NUCKS1: variants seen among roughly 807,000 people sequenced by gnomAD.
The protein encoded by NUCKS1 is nuclear casein kinase and cyclin dependent kinase substrate 1, also known as nuclear ubiquitous casein and cyclin-dependent kinase substrate 1.
Under a neutral mutation model 33.0 loss-of-function variants are expected in NUCKS1, and 2 were observed. That is an observed-to-expected ratio of 0.06 (90% CI 0.02 to 0.19). The LOEUF (loss-of-function observed/expected upper bound fraction) is 0.19, where lower values mean the gene tolerates loss of function less well. Among genes scored for constraint, NUCKS1 ranks in the 10% least tolerant of loss-of-function variants. The probability of loss-of-function intolerance (pLI) is 1.00; values close to 1 mark genes in which losing one functional copy is unlikely to be tolerated. For missense variants in NUCKS1, 201 were observed against 293.6 expected (o/e 0.68, Z 2.31); for synonymous variants, 106 against 102.8 (o/e 1.03, Z -0.19).
At chr1:205,724,037 G>T in intron 3 of NUCKS1, 56 bp from the exon 4 acceptor site, 9 of 1,207,634 alleles carry the variant, frequency 7.5e-6, no homozygotes, top group African/African-American at 1.5e-5. Context: ...AAATCTAAGT[G>T]AACATAGATC....
rs1208521809 is a variant in NUCKS1, at chr1:205,714,104, G to C, written c.*4176C>G. ...GTAACAAATACTTCTGGAGGAAAAA[G>C]AGAAAAGAATTCACTAAGTTCCAGA... On this transcript the variant is annotated 3_prime_UTR_variant, in exon 7 of 7. Coordinates refer to ENST00000367142, the MANE Select transcript of NUCKS1 (RefSeq NM_022731.5). The C allele has an allele frequency of 6.6e-6, 1 of 152,112 alleles. No individual in the cohort carries two copies. Among genetic ancestry groups the C allele is most frequent in the Non-Finnish European group, 1.5e-5 (1 of 68,004 alleles). The allele number at this position is 152,112 out of a possible 1,614,324, so 9.4% of individuals were successfully genotyped here.
At chr1:205,725,869 T>C (rs1198197926) in intron 3 of NUCKS1, among the ~76,000 whole-genome samples, 1 of 152,124 alleles carries the variant, frequency 6.6e-6, no homozygotes, top group Admixed American at 6.6e-5. Flanking sequence ...AATAAGATAA[T>C]GAATATAATG....
In NUCKS1 at chr1:205,715,014, T is replaced by A. The variant is rs1341395556; in HGVS notation, c.*3266A>T. On this transcript the variant is annotated 3_prime_UTR_variant, in exon 7 of 7. Transcript: ENST00000367142. ...TCTCAAAGCATCTCGTAAACTGAAGTTTAAAGAAAAGCACGATTCCCATCC... is the reference window on the plus strand; with the variant it reads ...TCTCAAAGCATCTCGTAAACTGAAGATTAAAGAAAAGCACGATTCCCATCC... The A allele has an allele frequency of 6.6e-6, 1 of 152,050 alleles. No individual in the cohort carries two copies. The highest frequency in any genetic ancestry group is 2.4e-5 in the African/African-American group (1 of 41,374). 9.4% of individuals were successfully genotyped at this position (152,050 alleles called of 1,614,324 possible).
intron 3 of NUCKS1, among the ~76,000 whole-genome samples, chr1:205,726,513 G>C (rs1193737636): frequency 6.6e-6 from 1 of 152,158 alleles, no homozygotes; most frequent in Non-Finnish European, 1.5e-5. Flanking sequence ...AAAACTACTA[G>C]GTAAATACAT....
In NUCKS1 at chr1:205,750,032, G is replaced by GCCCCCCCCCCCCCCC; in HGVS notation, c.-60_-59insGGGGGGGGGGGGGGG. On this transcript the variant is annotated 5_prime_UTR_variant, in exon 1 of 7. Transcript: ENST00000367142. ...CAAAGACCAGGACCCCCCCCACCCC[G>GCCCCCCCCCCCCCCC]CGCGCTCGGCGCCCCACCCCCCCCG... The GCCCCCCCCCCCCCCC allele has an allele frequency of 8.3e-7, 1 of 1,211,344 alleles. No individual in the cohort carries two copies. The highest frequency in any genetic ancestry group is 1.0e-6 in the Non-Finnish European group (1 of 956,054). 75.0% of individuals were successfully genotyped at this position (1,211,344 alleles called of 1,614,324 possible). A position where few individuals can be genotyped will look rare whatever the true frequency, so the allele number is the denominator to read the frequency against.
At chr1:205,746,638 TG>T (rs1419249185) in intron 1 of NUCKS1, among the ~76,000 whole-genome samples, 1 of 152,164 alleles carries the variant, frequency 6.6e-6, no homozygotes. Context: ...CCAATTGTTT[TG>T]GGGGAGAGAA....
chr1:205,727,741 A>G lies in NUCKS1; in HGVS notation c.132T>C (p.Ala44=), dbSNP rs773547652. ...TKKIRSSPRE[A]KNKRRSGKNS... is the part of the protein sequence containing the mutation. ...TCTTTCCAGATCGCCTCTTATTTTT[A>G]GCTTCTCGGGGAGATGATCGAATTT... The change falls in exon 3 of 7, where the codon GCT becomes GCC. Residue 44 remains alanine, a synonymous_variant. Coordinates refer to ENST00000367142, the MANE Select transcript of NUCKS1 (RefSeq NM_022731.5). 38 of 1,613,664 alleles carry G rather than the reference A, an allele frequency of 2.4e-5. No homozygotes were observed. The highest frequency in any genetic ancestry group is 3.2e-5 in the Non-Finnish European group (38 of 1,179,790).
chr1:205,741,065 G>A (rs1466714830), intron 1 of NUCKS1, among the ~76,000 whole-genome samples: 3 of 151,472 alleles, frequency 2.0e-5, no homozygotes, highest in Non-Finnish European at 2.9e-5. Context: ...TCAGGAGGCC[G>A]AGGCGGGCGG....
intron 1 of NUCKS1, among the ~76,000 whole-genome samples, chr1:205,730,409 C>A (rs956099040): frequency 6.6e-6 from 1 of 152,114 alleles, no homozygotes; most frequent in African/African-American, 2.4e-5. Context: ...TATAAGAAAG[C>A]ATAGCATAAA....
Position 205,720,673 on chromosome 1 carries a change from A to G in NUCKS1, c.230-20T>C, listed in dbSNP as rs1349309505. The G allele has an allele frequency of 6.3e-7, 1 of 1,581,972 alleles. No homozygotes were observed. Among genetic ancestry groups the G allele is most frequent in the East Asian group, 2.2e-5 (1 of 44,654 alleles). ...TATCCTCTGCAATATCAGAATTACC[A>G]TGATATAATGATTAAAGAATTTTAT... is the stretch of plus-strand genomic sequence containing the variant. On this transcript the variant is annotated intron_variant, in intron 4 of 6. Transcript: ENST00000367142.
At position 205,715,351 on chromosome 1, in the gene NUCKS1, C is replaced by T. The variant is rs1049851465; in HGVS notation, c.*2929G>A. ...GAAGATGTCCACACTCTTTGCATTA[C>T]CTCCCTAAAGGAGGAAACACCCATT... On this transcript the variant is annotated 3_prime_UTR_variant, in exon 7 of 7. Coordinates refer to ENST00000367142, the MANE Select transcript of NUCKS1 (RefSeq NM_022731.5). 2.6e-5 allele frequency: 4 copies of T among 152,196 alleles called. No homozygotes were observed. Among genetic ancestry groups the T allele is most frequent in the Non-Finnish European group, 5.9e-5 (4 of 68,036 alleles). 9.4% of individuals were successfully genotyped at this position (152,196 alleles called of 1,614,324 possible).
intron 1 of NUCKS1, among the ~76,000 whole-genome samples, chr1:205,746,441 T>TCACACA (rs1403649920): frequency 2.0e-4 from 8 of 40,710 alleles, no homozygotes; most frequent in Admixed American, 6.3e-4. Flanking sequence ...CTCACTTCTC[T>TCACACA]CTCTCTCTCT....
At chr1:205,730,642 C>G (rs955991401) in intron 1 of NUCKS1, among the ~76,000 whole-genome samples, 1 of 151,860 alleles carries the variant, frequency 6.6e-6, no homozygotes, top group African/African-American at 2.4e-5. Flanking sequence ...GCGTGTGCCA[C>G]CACGCCTGGC....
At chr1:205,740,767 GGT>G (rs1654148214) in intron 1 of NUCKS1, among the ~76,000 whole-genome samples, 1 of 151,058 alleles carries the variant, frequency 6.6e-6, no homozygotes, top group Non-Finnish European at 1.5e-5. Context: ...GGTGGGTAAA[GGT>G]GTTCTGAATG....
intron 1 of NUCKS1, among the ~76,000 whole-genome samples, chr1:205,742,517 C>T (rs1654203245): frequency 6.6e-6 from 1 of 152,110 alleles, no homozygotes; most frequent in African/African-American, 2.4e-5. Flanking sequence ...TGGTCTTGTG[C>T]TAAAAAATAA....
chr1:205,732,986 C>T lies in NUCKS1; in HGVS notation c.18-3365G>A, dbSNP rs181906898. Among the ~76,000 whole-genome samples the T allele has an allele frequency of 5.0e-4, 76 of 152,004 alleles. No homozygotes were observed. In the East Asian group the frequency reaches 8.7e-3, roughly 17 times the overall value. On this transcript the variant is annotated intron_variant, in intron 1 of 6. Transcript: ENST00000367142. ...TAGTATGATGATCATAATGCAAACA[C>T]GACCATTTTCTGTATTATTTAGGAT... is the stretch of plus-strand genomic sequence containing the variant.
chr1:205,748,857 C>G (rs576161050), intron 1 of NUCKS1, among the ~76,000 whole-genome samples: 2 of 152,278 alleles, frequency 1.3e-5, no homozygotes, highest in African/African-American at 4.8e-5. Flanking sequence ...TGCAAAGAAG[C>G]CAATTCCTTA....
rs542750308 is a variant in NUCKS1 at position 205,718,080 on chromosome 1, T to G, written c.*200A>C. 2.1e-4 allele frequency: 268 copies of G among 1,258,698 alleles called. 1 individual carries two copies. The African/African-American group carries it at 4.0e-3, about 19-fold the overall frequency. 78.0% of individuals were successfully genotyped at this position (1,258,698 alleles called of 1,614,324 possible). On this transcript the variant is annotated 3_prime_UTR_variant, in exon 7 of 7. Transcript: ENST00000367142. The stretch of plus-strand genomic sequence containing the variant: ...TTAAACACTTACACATACAATGGTT[T>G]GCTTTAAAAAAAAAAAAAAAAAAAG...
Position 205,717,533 on chromosome 1 carries a change from G to C in NUCKS1, c.*747C>G. ...TTTTAGCTCCCTAAAGACTGTAGCA[G>C]GATAAAAGGATCACTGGCTCCGAGT... On this transcript the variant is annotated 3_prime_UTR_variant, in exon 7 of 7. Coordinates refer to ENST00000367142, the MANE Select transcript of NUCKS1 (RefSeq NM_022731.5). 8.1e-5 allele frequency: 80 copies of C among 983,538 alleles called. 1 individual carries two copies. Among genetic ancestry groups the C allele is most frequent in the Non-Finnish European group, 9.6e-5 (80 of 829,740 alleles). The allele number at this position is 983,538 out of a possible 1,614,324, so 60.9% of individuals were successfully genotyped here. A position where few individuals can be genotyped will look rare whatever the true frequency, so the allele number is the denominator to read the frequency against.
Sources: allele counts gnomAD v4.1 joint callset (sites outside exome capture counted in the v4.1 genomes callset), GRCh38; gene constraint gnomAD v4.1.1; transcripts MANE v1.5; gene names NCBI Gene and HGNC (gene_info 2026-07-23, HGNC 2026-07-21).